NTM: variants seen among roughly 807,000 people sequenced by gnomAD.
NTM encodes IgLON family member 2.
Under a neutral mutation model 42.1 loss-of-function variants are expected in NTM, and 13 were observed. The observed-to-expected ratio is 0.31, with a 90% CI of 0.20 to 0.49. The LOEUF (loss-of-function observed/expected upper bound fraction) is 0.49. NTM is among the 20% of genes least tolerant of loss of function. NTM has a pLI of 0.99. For synonymous variants in NTM, 187 were observed against 179.2 expected (o/e 1.04, Z -0.35); for missense variants, 373 against 452.8 (o/e 0.82, Z 1.60).
Position 131,838,602 on chromosome 11 carries a change from T to G in NTM, c.83-72962T>G, listed in dbSNP as rs1184057708. ...GTATCCAGGGTCAATATGGAAGTGA[T>G]CAATGGAAAATATGGAACAGAGGGA... On this transcript the variant is annotated intron_variant, in intron 1 of 8. Transcript: ENST00000683400. Among the ~76,000 whole-genome samples the G allele has an allele frequency of 2.0e-5, 3 of 152,250 alleles. No homozygotes were observed. In the East Asian group the frequency reaches 5.8e-4, roughly 29 times the overall value.
At chr11:132,238,950 C>T (rs1296620772) in intron 4 of NTM, among the ~76,000 whole-genome samples, 1 of 152,186 alleles carries the variant, frequency 6.6e-6, no homozygotes, top group Non-Finnish European at 1.5e-5. Context: ...ATGCTCCATG[C>T]AGTCTAATAA....
At chr11:132,089,901 A>G (rs1048219826) in intron 2 of NTM, among the ~76,000 whole-genome samples, 3 of 152,164 alleles carry the variant, frequency 2.0e-5, no homozygotes, top group African/African-American at 7.2e-5. Context: ...ATTTTGATGC[A>G]AAAAAATTAA....
chr11:131,837,240 C>A (rs1592187732), intron 1 of NTM, among the ~76,000 whole-genome samples: 1 of 152,292 alleles, frequency 6.6e-6, no homozygotes, highest in Non-Finnish European at 1.5e-5. Context: ...CGAATTTGCA[C>A]CTTTGTCAGG....
chr11:131,883,163 C>T (rs2049822317), intron 1 of NTM, among the ~76,000 whole-genome samples: 1 of 152,206 alleles, frequency 6.6e-6, no homozygotes, highest in African/African-American at 2.4e-5. Flanking sequence ...GGGCTGTTTG[C>T]TACTTGTCAA....
At chr11:131,949,527 G>T (rs142820440) in intron 2 of NTM, among the ~76,000 whole-genome samples, 23 of 152,222 alleles carry the variant, frequency 1.5e-4, no homozygotes, top group African/African-American at 5.5e-4. Context: ...AGTTTTAGGC[G>T]TTGCACAAAG....
chr11:132,237,247 T>G (rs1341721912), intron 4 of NTM, among the ~76,000 whole-genome samples: 1 of 152,216 alleles, frequency 6.6e-6, no homozygotes, highest in Non-Finnish European at 1.5e-5. Context: ...TCACGTCACC[T>G]TCTCTGTCCC....
At chr11:131,578,915 C>T (rs954813671) in intron 1 of NTM, among the ~76,000 whole-genome samples, 3 of 152,068 alleles carry the variant, frequency 2.0e-5, no homozygotes, top group Non-Finnish European at 4.4e-5. Context: ...GTTCACAAGG[C>T]CTGGAAGCTT....
At chr11:132,225,071 C>A (rs6590631) in intron 4 of NTM, among the ~76,000 whole-genome samples, 19,102 of 152,130 alleles carry the variant, frequency 0.13, 2,155 homozygotes, top group African/African-American at 0.3. Flanking sequence ...AGGGATTTAT[C>A]AGATTGAACA....
chr11:131,751,319 GCTCACGCCAC>G (rs2082484304), intron 1 of NTM, among the ~76,000 whole-genome samples: 3 of 151,858 alleles, frequency 2.0e-5, no homozygotes, highest in African/African-American at 4.8e-5. Flanking sequence ...GGGCACGGTG[GCTCACGCCAC>G]CGTGTAATCC....
At chr11:131,564,399 C>T (rs1304313990) in intron 1 of NTM, among the ~76,000 whole-genome samples, 2 of 152,160 alleles carry the variant, frequency 1.3e-5, no homozygotes, top group Non-Finnish European at 2.9e-5. Flanking sequence ...CAGACAGCCA[C>T]CTTCCCACTG....
At chr11:131,502,261 T>C (rs1488283713) in intron 1 of NTM, among the ~76,000 whole-genome samples, 1 of 152,116 alleles carries the variant, frequency 6.6e-6, no homozygotes, top group African/African-American at 2.4e-5. Flanking sequence ...TTGCTGCCCT[T>C]ATGAAGGAGC....
chr11:131,999,213 C>T (rs187275562), intron 2 of NTM, among the ~76,000 whole-genome samples: 13 of 152,160 alleles, frequency 8.5e-5, no homozygotes, highest in East Asian at 1.9e-4. Context: ...TTTGTGTGTC[C>T]GCCTCTGTTC....
At chr11:132,314,418 G>A in intron 6 of NTM, 134 bp from the exon 7 acceptor site, 1 of 953,440 alleles carries the variant, frequency 1.0e-6, no homozygotes. Flanking sequence ...GTGTGGTTGA[G>A]TGGATCAAAT....
intron 1 of NTM, among the ~76,000 whole-genome samples, chr11:131,505,702 G>A (rs1265488355): frequency 1.3e-5 from 2 of 152,116 alleles, no homozygotes; most frequent in Admixed American, 6.6e-5. Flanking sequence ...TCACACCCAC[G>A]GAAAGGACAC....
chr11:132,035,174 T>A (rs1360474171), intron 2 of NTM, among the ~76,000 whole-genome samples: 1 of 152,206 alleles, frequency 6.6e-6, no homozygotes, highest in East Asian at 1.9e-4. Flanking sequence ...TTCATTTTAA[T>A]CTATAAGAAG....
chr11:131,636,945 G>A (rs537891084), intron 1 of NTM, among the ~76,000 whole-genome samples: 2 of 152,094 alleles, frequency 1.3e-5, no homozygotes, highest in Non-Finnish European at 2.9e-5. Context: ...GGTGGCTTCC[G>A]CTCAGGAATG....
At chr11:132,115,577 G>C (rs578032400) in intron 2 of NTM, among the ~76,000 whole-genome samples, 1 of 152,172 alleles carries the variant, frequency 6.6e-6, no homozygotes. Context: ...TGGGAAAGAG[G>C]AGATGACTCT....
At chr11:132,076,310 T>A (rs1412603187) in intron 2 of NTM, among the ~76,000 whole-genome samples, 2 of 152,204 alleles carry the variant, frequency 1.3e-5, no homozygotes, top group African/African-American at 4.8e-5. Flanking sequence ...AAGCATGGCA[T>A]CCCAATAAAA....
intron 1 of NTM, among the ~76,000 whole-genome samples, chr11:131,838,815 C>T (rs181386779): frequency 3.4e-3 from 522 of 152,172 alleles, no homozygotes; most frequent in African/African-American, 0.012. Context: ...CAAAAAATAT[C>T]CACTGAGCAT....
Sources: allele counts gnomAD v4.1 joint callset (sites outside exome capture counted in the v4.1 genomes callset), GRCh38; gene constraint gnomAD v4.1.1; transcripts MANE v1.5; gene names NCBI Gene and HGNC (gene_info 2026-07-23, HGNC 2026-07-21).